Variants in UBE3D observed in about 807,000 individuals in gnomAD.
UBE3D encodes the protein ubiquitin protein ligase E3D, also known as E3 ubiquitin-protein ligase E3D.
A neutral mutation model predicts 49.6 loss-of-function variants in UBE3D; 48 were observed. That is an observed-to-expected ratio of 0.97 (90% CI 0.77 to 1.23). The LOEUF is 1.23. UBE3D is among the 50% of genes most tolerant of loss of function. The probability of loss-of-function intolerance (pLI) is 0.00; values close to 1 mark genes in which losing one functional copy is unlikely to be tolerated. For synonymous variants in UBE3D, 189 were observed against 174.2 expected (o/e 1.08, Z -0.67); for missense variants, 452 against 468.4 (o/e 0.96, Z 0.32).
chr6:82,903,235 C>T (rs1196299550), intron 9 of UBE3D, among the ~76,000 whole-genome samples: 1 of 152,110 alleles, frequency 6.6e-6, no homozygotes, highest in African/African-American at 2.4e-5. Context: ...GATCCTCCCA[C>T]CTCGGCCTCC....
At chr6:82,904,345 T>C (rs1047593795) in intron 9 of UBE3D, among the ~76,000 whole-genome samples, 2 of 152,214 alleles carry the variant, frequency 1.3e-5, no homozygotes, top group Admixed American at 6.5e-5. Flanking sequence ...CGAGGACTAC[T>C]GTACATTACA....
intron 8 of UBE3D, among the ~76,000 whole-genome samples, chr6:82,967,583 T>C (rs2149535): frequency 0.16 from 24,065 of 152,144 alleles, 1,953 homozygotes; most frequent in African/African-American, 0.17. Flanking sequence ...AGTCTTTTTT[T>C]ATAACTCACC....
At chr6:83,029,064 TGAC>T (rs1302376224) in intron 5 of UBE3D, among the ~76,000 whole-genome samples, 1 of 152,240 alleles carries the variant, frequency 6.6e-6, no homozygotes, top group Non-Finnish European at 1.5e-5. Flanking sequence ...TTCAACAGAT[TGAC>T]GACAACATGC....
chr6:82,930,801 G>T (rs1774085459), intron 9 of UBE3D, among the ~76,000 whole-genome samples: 1 of 152,196 alleles, frequency 6.6e-6, no homozygotes, highest in African/African-American at 2.4e-5. Context: ...TAAAAAATTT[G>T]CAGCCTGACA....
At chr6:83,047,418 C>G (rs1251030858) in intron 3 of UBE3D, among the ~76,000 whole-genome samples, 2 of 152,200 alleles carry the variant, frequency 1.3e-5, no homozygotes, top group Non-Finnish European at 2.9e-5. Flanking sequence ...ACAAGAGATA[C>G]TGGCTGCTTA....
intron 4 of UBE3D, among the ~76,000 whole-genome samples, chr6:83,043,184 G>A (rs1582728307): frequency 1.3e-5 from 2 of 152,300 alleles, no homozygotes; most frequent in South Asian, 4.1e-4. Context: ...TCAGCACAGA[G>A]TGCTGAGTTT....
chr6:82,912,276 T>A (rs1222923294), intron 9 of UBE3D, among the ~76,000 whole-genome samples: 1 of 152,172 alleles, frequency 6.6e-6, no homozygotes, highest in African/African-American at 2.4e-5. Flanking sequence ...GTGTCATTAA[T>A]GACCTTCGAG....
intron 8 of UBE3D, among the ~76,000 whole-genome samples, chr6:82,977,112 T>A (rs1199432942): frequency 8.1e-5 from 2 of 24,556 alleles, no homozygotes; most frequent in Non-Finnish European, 1.2e-4. Flanking sequence ...AGACTCCATC[T>A]CAAAAAAAAA....
intron 8 of UBE3D, among the ~76,000 whole-genome samples, chr6:82,986,166 C>T (rs892038372): frequency 4.3e-4 from 65 of 151,930 alleles, no homozygotes; most frequent in African/African-American, 1.5e-3. Flanking sequence ...TATATACTTC[C>T]ATTTGCTTAA....
chr6:83,054,000 G>T, intron 3 of UBE3D, 148 bp downstream of exon 3: 1 of 626,370 alleles, frequency 1.6e-6, no homozygotes, highest in Non-Finnish European at 2.8e-6. Context: ...AGCAAGTTTT[G>T]TGGCTAATTT....
At chr6:82,996,333 A>AATAC (rs920041465) in intron 8 of UBE3D, among the ~76,000 whole-genome samples, 3 of 151,554 alleles carry the variant, frequency 2.0e-5, no homozygotes, top group Non-Finnish European at 4.4e-5. Flanking sequence ...TAAATAAATA[A>AATAC]ATAAATAAAT....
At chr6:82,891,339 G>A (rs1198775466), downstream of UBE3D, among the ~76,000 whole-genome samples, 4 of 152,176 alleles carry the variant, frequency 2.6e-5, no homozygotes, top group East Asian at 3.9e-4. Flanking sequence ...AATGCAGAGA[G>A]CAGTCTCCCA....
At chr6:82,982,915 T>G (rs912342757) in intron 8 of UBE3D, among the ~76,000 whole-genome samples, 2 of 152,166 alleles carry the variant, frequency 1.3e-5, no homozygotes, top group Non-Finnish European at 2.9e-5. Flanking sequence ...TTTGATTTTC[T>G]CCCCGTTTAT....
chr6:82,993,394 A>G (rs1440991941), intron 8 of UBE3D, among the ~76,000 whole-genome samples: 1 of 152,114 alleles, frequency 6.6e-6, no homozygotes, highest in Non-Finnish European at 1.5e-5. Flanking sequence ...ATCCCTCAGT[A>G]TCCATAGGGG....
At chr6:83,022,368 A>G (rs1161800313) in intron 7 of UBE3D, 85 bp downstream of exon 7, 12 of 906,274 alleles carry the variant, frequency 1.3e-5, no homozygotes, top group Admixed American at 3.5e-5. Flanking sequence ...ACACCTGAGA[A>G]TTAAGAAAAA....
intron 8 of UBE3D, among the ~76,000 whole-genome samples, chr6:83,000,753 C>T (rs1165270174): frequency 6.6e-6 from 1 of 152,142 alleles, no homozygotes; most frequent in African/African-American, 2.4e-5. Context: ...CTTCCCATCC[C>T]TTGTACTCAC....
At chr6:83,057,726 A>G in intron 2 of UBE3D, 100 bp downstream of exon 2, 1 of 1,191,172 alleles carries the variant, frequency 8.4e-7, no homozygotes, top group Non-Finnish European at 1.2e-6. Flanking sequence ...GAGCTTCTCA[A>G]CCCCTTCACC....
At chr6:82,887,512 C>A (rs995104871), downstream of UBE3D, among the ~76,000 whole-genome samples, 3 of 150,600 alleles carry the variant, frequency 2.0e-5, no homozygotes, top group African/African-American at 7.4e-5. Context: ...CGCTCGAGAC[C>A]AGTCTGGCCA....
intron 8 of UBE3D, among the ~76,000 whole-genome samples, chr6:82,967,915 T>C (rs1014338662): frequency 6.6e-6 from 1 of 152,172 alleles, no homozygotes; most frequent in Non-Finnish European, 1.5e-5. Flanking sequence ...ATAGGTGCAA[T>C]TACAGGCTAC....
Sources: allele counts gnomAD v4.1 joint callset (sites outside exome capture counted in the v4.1 genomes callset), GRCh38; gene constraint gnomAD v4.1.1; transcripts MANE v1.5; gene names NCBI Gene and HGNC (gene_info 2026-07-23, HGNC 2026-07-21).